The following SSUH2 variants were observed in gnomAD, a reference collection of about 807,000 sequenced individuals.
SSUH2 encodes protein SSUH2 homolog.
SSUH2 carries 47 observed loss-of-function variants against 55.3 expected under a neutral mutation model. The observed-to-expected ratio is 0.85, with a 90% CI of 0.67 to 1.08. The LOEUF is 1.08. Among genes scored for constraint, SSUH2 ranks in the 50% least tolerant of loss-of-function variants. The pLI is 0.00. For synonymous variants in SSUH2, 212 were observed against 191.5 expected (o/e 1.11, Z -0.89); for missense variants, 535 against 490.7 (o/e 1.09, Z -0.85).
Position 8,679,551 on chromosome 3 carries a change from G to T in SSUH2, c.-901+154C>A, listed in dbSNP as rs1385005219. ...AGGGGAGGCACCCTCAGCGAGGCAG[G>T]AACTGAGAGCCAGCCTCTCTTCCCC... On this transcript the variant is annotated intron_variant, in intron 2 of 18. Coordinates refer to the SSUH2 transcript ENST00000317371. 2.0e-5 allele frequency among the ~76,000 whole-genome samples: 3 copies of T among 150,142 alleles called. No individual in the cohort carries two copies. In the East Asian group the frequency reaches 6.0e-4, roughly 30 times the overall value.
intron 10 of SSUH2, 37 bp downstream of exon 10, chr3:8,625,505 C>A: frequency 7.3e-7 from 1 of 1,360,934 alleles, no homozygotes; most frequent in Non-Finnish European, 1.0e-6. Flanking sequence ...GAGGAGGAAC[C>A]CAGCTTCCTT....
chr3:8,664,286 C>G (rs1194004796), intron 5 of SSUH2, among the ~76,000 whole-genome samples: 2 of 152,238 alleles, frequency 1.3e-5, no homozygotes, highest in Non-Finnish European at 2.9e-5. Context: ...GAATCCTTGT[C>G]CATTGGGATC....
chr3:8,659,503 C>T (rs921541659), intron 6 of SSUH2: 2 of 249,938 alleles, frequency 8.0e-6, no homozygotes, highest in African/African-American at 4.6e-5. Context: ...TGGTCATGCA[C>T]ACTGTCTGTG....
intron 1 of SSUH2, among the ~76,000 whole-genome samples, chr3:8,637,837 TTTG>T (rs1700168322): frequency 9.6e-6 from 1 of 104,034 alleles, no homozygotes; most frequent in African/African-American, 1.1e-4. Flanking sequence ...CTAGAGCTTG[TTTG>T]TTTGTTTGTT....
At chr3:8,652,239 T>G (rs1702495910) in intron 7 of SSUH2, among the ~76,000 whole-genome samples, 1 of 152,222 alleles carries the variant, frequency 6.6e-6, no homozygotes, top group Non-Finnish European at 1.5e-5. Flanking sequence ...CCTCGGGATC[T>G]CTCTGATCTT....
At chr3:8,649,065 A>G (rs959473416), upstream of SSUH2, among the ~76,000 whole-genome samples, 6 of 152,124 alleles carry the variant, frequency 3.9e-5, no homozygotes, top group Admixed American at 2.0e-4. Flanking sequence ...CTACCCTCCA[A>G]CAATGGGCAA....
rs186077801 is a variant in SSUH2 at position 8,675,480 on chromosome 3, C to T, written c.-753+1726G>A. Among the ~76,000 whole-genome samples the T allele has an allele frequency of 9.5e-4, 144 of 152,298 alleles. 1 individual carries two copies. Among genetic ancestry groups the T allele is most frequent in the Admixed American group, 2.5e-3 (39 of 15,300 alleles). Reference sequence around the variant, plus strand: ...GTCCCAAGGGAACAGATGCCCTACACCAGCACCTGGAGGACTGTGGGTATA... The same window carrying T: ...GTCCCAAGGGAACAGATGCCCTACATCAGCACCTGGAGGACTGTGGGTATA... On this transcript the variant is annotated intron_variant, in intron 3 of 18. Transcript: ENST00000317371.
At position 8,626,306 on chromosome 3, in the gene SSUH2, T is replaced by C; in HGVS notation, c.690A>G (p.Ser230=). The change falls in exon 9 of 12, where the codon TCA becomes TCG. Residue 230 remains serine (S), a synonymous_variant. Coordinates refer to ENST00000544814, the MANE Select transcript of SSUH2 (RefSeq NM_001256748.3). ...GSGRRRCSTC[S]GRGNKTCATC... ...TGGCGCAGGTCTTGTTCCCTCTCCC[T>C]GAGCAAGTGCTGCATCTGAGAAAGG... is the stretch of plus-strand genomic sequence containing the variant. 1 of 1,614,026 alleles carries C rather than the reference T, an allele frequency of 6.2e-7. No homozygotes were observed.
intron 5 of SSUH2, among the ~76,000 whole-genome samples, chr3:8,665,366 CGCA>C (rs1703899527): frequency 6.6e-6 from 1 of 152,092 alleles, no homozygotes; most frequent in Non-Finnish European, 1.5e-5. Context: ...TTTTAATTTT[CGCA>C]GATCAGCCAA....
chr3:8,621,176 T>G (rs1408449502), intron 11 of SSUH2, among the ~76,000 whole-genome samples: 1 of 152,200 alleles, frequency 6.6e-6, no homozygotes, highest in East Asian at 1.9e-4. Flanking sequence ...CAAAAACCCC[T>G]AAGTTCTTCT....
At chr3:8,635,896 G>A (rs1311924803) in intron 1 of SSUH2, 39 bp from the exon 2 acceptor site, 1 of 1,513,774 alleles carries the variant, frequency 6.6e-7, no homozygotes, top group Non-Finnish European at 8.9e-7. Flanking sequence ...TGGGTAGGGA[G>A]GCGAGGGCTG....
upstream of SSUH2, among the ~76,000 whole-genome samples, chr3:8,645,617 T>A (rs1575236953): frequency 1.3e-5 from 2 of 152,160 alleles, no homozygotes; most frequent in East Asian, 3.9e-4. Flanking sequence ...AACCTGGGGT[T>A]CTCTGGCCAG....
At chr3:8,630,278 G>A (rs190361532) in intron 6 of SSUH2, among the ~76,000 whole-genome samples, 4 of 152,264 alleles carry the variant, frequency 2.6e-5, no homozygotes, top group Non-Finnish European at 5.9e-5. Context: ...GTGTAAAGCA[G>A]GCAGTAACCG....
intron 2 of SSUH2, among the ~76,000 whole-genome samples, chr3:8,678,450 G>A (rs527417254): frequency 1.3e-5 from 2 of 151,682 alleles, no homozygotes; most frequent in Admixed American, 6.6e-5. Context: ...TATCCTCTCC[G>A]CCTCTATCCC....
chr3:8,680,730 G>A (rs1484711112), intron 1 of SSUH2, among the ~76,000 whole-genome samples: 3 of 151,866 alleles, frequency 2.0e-5, no homozygotes, highest in East Asian at 1.9e-4. Flanking sequence ...TATTATGAAG[G>A]AGCATCTCAC....
chr3:8,632,281 C>A (rs1009110516), intron 4 of SSUH2, among the ~76,000 whole-genome samples, 172 bp from the exon 5 acceptor site: 1 of 152,182 alleles, frequency 6.6e-6, no homozygotes, highest in African/African-American at 2.4e-5. Context: ...GTTCCACGTG[C>A]CCCCATGTCT....
At chr3:8,634,175 G>C (rs1465766375) in intron 3 of SSUH2, 3 of 617,568 alleles carry the variant, frequency 4.9e-6, no homozygotes, top group Non-Finnish European at 8.1e-6. Flanking sequence ...GCTAAATAAG[G>C]CTCCTGCCCT....
rs189619234 is a variant in SSUH2, at chr3:8,660,311, C to G, written c.-395-1298G>C. 4.9e-4 allele frequency among the ~76,000 whole-genome samples: 74 copies of G among 151,922 alleles called. 1 individual carries two copies. The highest frequency in any genetic ancestry group is 1.7e-3 in the African/African-American group (70 of 41,410). ...AAGGAAAAGAGCAGCCCAAGGCAAC[C>G]TTGCAGGCCAGGAGCCAAGATCAAC... On this transcript the variant is annotated intron_variant, in intron 6 of 18. Transcript: ENST00000317371.
Position 8,652,000 on chromosome 3 carries a change from G to A in SSUH2, c.-307+6925C>T, listed in dbSNP as rs780292734. ...CAGGCTTTCACTCACCCCTCCATCC[G>A]GGGGTCTCTGACTCCCCTCCGCACC... On this transcript the variant is annotated intron_variant, in intron 7 of 18. Transcript: ENST00000317371. 10 of 152,428 alleles carry A rather than the reference G, an allele frequency of 6.6e-5. No homozygotes were observed. In the East Asian group the frequency reaches 7.7e-4, roughly 12 times the overall value. The allele number at this position is 152,428 out of a possible 1,614,324, so 9.4% of individuals were successfully genotyped here. A position where few individuals can be genotyped will look rare whatever the true frequency, so the allele number is the denominator to read the frequency against.
Sources: allele counts gnomAD v4.1 joint callset (sites outside exome capture counted in the v4.1 genomes callset), GRCh38; gene constraint gnomAD v4.1.1; transcripts MANE v1.5; gene names NCBI Gene and HGNC (gene_info 2026-07-23, HGNC 2026-07-21).